Variants in ABCB5 observed in about 807,000 individuals in gnomAD.
The protein encoded by ABCB5 is ATP binding cassette subfamily B member 5, also known as ATP-binding cassette sub-family B member 5.
In ABCB5, 155 loss-of-function variants were observed where a neutral mutation model predicts 144.2. The observed-to-expected ratio is 1.08, with a 90% CI of 0.94 to 1.23. ABCB5 has a LOEUF of 1.23. Among genes scored for constraint, ABCB5 ranks in the 50% most tolerant of loss-of-function variants. The pLI is 0.00. For synonymous variants in ABCB5, 610 were observed against 528.6 expected, an observed-to-expected ratio of 1.15 and a Z score of -2.11; for missense variants, 1,830 against 1,520.8, an observed-to-expected ratio of 1.20 and a Z score of -3.38.
intron 13 of ABCB5, among the ~76,000 whole-genome samples, chr7:20,655,518 A>G (rs935718493): frequency 4.6e-5 from 7 of 151,832 alleles, no homozygotes; most frequent in Non-Finnish European, 8.8e-5. Context: ...ATGTCTAAAT[A>G]ACGGCAACAG....
Position 20,628,702 on chromosome 7 carries a change from T to G in ABCB5, c.123T>G (p.Asp41Glu), listed in dbSNP as rs766824894. 5 of 1,613,174 alleles carry G rather than the reference T, an allele frequency of 3.1e-6. No individual in the cohort carries two copies. Among genetic ancestry groups the G allele is most frequent in the Non-Finnish European group, 4.2e-6 (5 of 1,179,538 alleles). Residue 41 changes from aspartate to glutamate, a missense_variant, in exon 4 of 28, where the codon GAT becomes GAG. By Grantham distance (45) the Asp-to-Glu change is conservative (BLOSUM62 2). Transcript: ENST00000404938. ...VGSIEIFRFADGLDITLMILG... is the reference protein window; with the variant it reads ...VGSIEIFRFAEGLDITLMILG... Reference sequence around the variant, plus strand: ...GTTTTCCTCAGTTCCGCTTTGCTGATGGACTGGACATCACACTCATGATCC... The same window carrying G: ...GTTTTCCTCAGTTCCGCTTTGCTGAGGGACTGGACATCACACTCATGATCC...
chr7:20,734,349 T>C (rs1782316783), intron 23 of ABCB5, among the ~76,000 whole-genome samples: 1 of 151,382 alleles, frequency 6.6e-6, no homozygotes, highest in African/African-American at 2.4e-5. Context: ...AGCCATTCTC[T>C]AAACCAATGG....
chr7:20,650,296 A>T (rs1784542449), intron 12 of ABCB5, 149 bp downstream of exon 12: 1 of 1,090,618 alleles, frequency 9.2e-7, no homozygotes, highest in Non-Finnish European at 1.2e-6. Context: ...TTCACTCAGC[A>T]AATATTTATT....
rs187218908 is a variant in ABCB5 at position 20,717,435 on chromosome 7, C to T, written c.2422-5581C>T. ...GCAGTGTCTGCTGTGTCCAGATTTC[C>T]TCTTTTTTTTTTTTTTTTTTCTTTT... On this transcript the variant is annotated intron_variant, in intron 20 of 27. Transcript: ENST00000404938. 2.4e-3 allele frequency among the ~76,000 whole-genome samples: 343 copies of T among 143,558 alleles called. 3 individuals carry two copies. Among genetic ancestry groups the T allele is most frequent in the African/African-American group, 9.2e-3 (335 of 36,594 alleles). The allele number at this position is 143,558 out of a possible 152,430, so 94.2% of individuals were successfully genotyped here.
At chr7:20,716,888 A>C (rs1232226476) in intron 20 of ABCB5, among the ~76,000 whole-genome samples, 1 of 152,122 alleles carries the variant, frequency 6.6e-6, no homozygotes, top group Non-Finnish European at 1.5e-5. Flanking sequence ...AAGCGTGCCG[A>C]ACCCCAGCGC....
chr7:20,645,744 G>A lies in ABCB5; in HGVS notation c.679-12G>A. On this transcript the variant is annotated splice_polypyrimidine_tract_variant and intron_variant, in intron 7 of 27. Transcript: ENST00000404938. ...AGAGTCATTTTTTAACTGTGGTTGT[G>A]GTTTATTACAGATGGTCATCTCATT... is the stretch of plus-strand genomic sequence containing the variant. 1 of 1,613,160 alleles carries A rather than the reference G, an allele frequency of 6.2e-7. No homozygotes were observed. Among genetic ancestry groups the A allele is most frequent in the Non-Finnish European group, 8.5e-7 (1 of 1,179,544 alleles).
At chr7:20,720,264 G>C in intron 20 of ABCB5, among the ~76,000 whole-genome samples, 1 of 152,120 alleles carries the variant, frequency 6.6e-6, no homozygotes, top group East Asian at 1.9e-4. Context: ...TATAGTAACA[G>C]GTTATAAACA....
chr7:20,620,277 A>G (rs932171594), intron 1 of ABCB5, among the ~76,000 whole-genome samples: 1 of 152,182 alleles, frequency 6.6e-6, no homozygotes, highest in Admixed American at 6.6e-5. Flanking sequence ...AGACCTAATC[A>G]TAAGTGTGAA....
At chr7:20,694,625 G>A (rs763025881) in intron 16 of ABCB5, among the ~76,000 whole-genome samples, 13 of 151,958 alleles carry the variant, frequency 8.6e-5, no homozygotes, top group Non-Finnish European at 1.9e-4. Flanking sequence ...AAGCATCCAG[G>A]TAGGAAAGGA....
chr7:20,654,992 C>A (rs1784725766), intron 13 of ABCB5, among the ~76,000 whole-genome samples: 1 of 148,820 alleles, frequency 6.7e-6, no homozygotes. Flanking sequence ...ATCAGTAAAA[C>A]CAAAAACTGA....
chr7:20,696,673 G>A (rs1051722170), intron 16 of ABCB5, among the ~76,000 whole-genome samples: 6 of 151,820 alleles, frequency 4.0e-5, no homozygotes, highest in Admixed American at 1.3e-4. Context: ...TTTAATACTC[G>A]TCATATCTCT....
chr7:20,743,008 C>A lies in ABCB5; in HGVS notation c.3156C>A (p.Ser1052Arg), dbSNP rs776223231. ...RGKTVAFVGS[S>R]GCGKSTSVQL... ...AGACAGTAGCATTTGTGGGGAGCAGCGGCTGTGGGAAAAGCACTTCTGTTC... is the reference window on the plus strand; with the variant it reads ...AGACAGTAGCATTTGTGGGGAGCAGAGGCTGTGGGAAAAGCACTTCTGTTC... Residue 1052 changes from serine (S) to arginine (R), a missense_variant, in exon 25 of 28, where the codon AGC becomes AGA. Coordinates refer to ENST00000404938, the MANE Select transcript of ABCB5 (RefSeq NM_001163941.2). The A allele has an allele frequency of 1.2e-6, 2 of 1,614,120 alleles. No homozygotes were observed. The highest frequency in any genetic ancestry group is 1.1e-5 in the South Asian group (1 of 91,064).
At chr7:20,722,237 G>C (rs1355396189) in intron 20 of ABCB5, among the ~76,000 whole-genome samples, 1 of 152,210 alleles carries the variant, frequency 6.6e-6, no homozygotes, top group Non-Finnish European at 1.5e-5. Flanking sequence ...ATGCACAAAT[G>C]AGTTGTTGTA....
At chr7:20,703,852 CCTT>C (rs1312028684) in intron 19 of ABCB5, among the ~76,000 whole-genome samples, 1 of 152,080 alleles carries the variant, frequency 6.6e-6, no homozygotes, top group African/African-American at 2.4e-5. Context: ...TGACGTGACT[CCTT>C]CTTTAGATTG....
At chr7:20,718,617 G>A (rs918167049) in intron 20 of ABCB5, among the ~76,000 whole-genome samples, 7 of 152,176 alleles carry the variant, frequency 4.6e-5, no homozygotes, top group African/African-American at 1.7e-4. Flanking sequence ...GCCCTGGGGG[G>A]GAGGGAGGAT....
chr7:20,732,551 G>T (rs190674856), intron 23 of ABCB5, among the ~76,000 whole-genome samples: 1 of 152,300 alleles, frequency 6.6e-6, no homozygotes, highest in East Asian at 1.9e-4. Context: ...AATTAAGGGG[G>T]AGATTTGGAA....
At chr7:20,730,768 C>T (rs990724855) in intron 23 of ABCB5, among the ~76,000 whole-genome samples, 1 of 152,156 alleles carries the variant, frequency 6.6e-6, no homozygotes. Flanking sequence ...CAGGCACTCC[C>T]AAGCTTGAAA....
intron 14 of ABCB5, among the ~76,000 whole-genome samples, chr7:20,676,919 C>A (rs1554283644): frequency 6.6e-6 from 1 of 152,060 alleles, no homozygotes; most frequent in Non-Finnish European, 1.5e-5. Context: ...CTTGCAACTC[C>A]AGAAAACACA....
intron 14 of ABCB5, among the ~76,000 whole-genome samples, chr7:20,665,478 T>C (rs1362225984): frequency 3.3e-5 from 5 of 152,176 alleles, no homozygotes; most frequent in African/African-American, 9.7e-5. Context: ...TCAACTACCA[T>C]GGTGACCTTA....
Sources: gnomAD v4.1 joint callset for allele counts (sites outside exome capture counted in the v4.1 genomes callset) on GRCh38, gnomAD v4.1.1 for gene constraint, MANE v1.5 for transcripts, NCBI Gene and HGNC (gene_info 2026-07-23, HGNC 2026-07-21) for gene names.